NAALADL2: variants seen among roughly 807,000 people sequenced by gnomAD.
NAALADL2 encodes the protein N-acetylated alpha-linked acidic dipeptidase like 2.
Under a neutral mutation model 87.2 loss-of-function variants are expected in NAALADL2, and 76 were observed. That is an observed-to-expected ratio of 0.87 (90% CI 0.72 to 1.05). The LOEUF is 1.05. Ranked by LOEUF, NAALADL2 falls within the 50% of genes least tolerant of loss-of-function variation. The pLI is 0.00. For synonymous variants in NAALADL2, 354 were observed against 331.0 expected (o/e 1.07, Z -0.75); for missense variants, 1,089 against 945.8 (o/e 1.15, Z -1.99).
chr3:174,606,814 A>T (rs1179754855), intron 2 of NAALADL2, among the ~76,000 whole-genome samples: 1 of 152,166 alleles, frequency 6.6e-6, no homozygotes, highest in Admixed American at 6.5e-5. Flanking sequence ...CAGGAAATAC[A>T]GAGAACACCA....
intron 10 of NAALADL2, among the ~76,000 whole-genome samples, chr3:175,593,176 A>G (rs1388377143): frequency 1.3e-5 from 2 of 151,910 alleles, no homozygotes; most frequent in African/African-American, 2.4e-5. Context: ...TGCCCCCTCA[A>G]AAGCCCCCAG....
At chr3:175,799,047 A>T (rs560622976) in intron 13 of NAALADL2, among the ~76,000 whole-genome samples, 1 of 152,210 alleles carries the variant, frequency 6.6e-6, no homozygotes, top group Non-Finnish European at 1.5e-5. Flanking sequence ...ATAGTTTTTG[A>T]TAATAATGGA....
chr3:175,257,978 G>C (rs2109851830), intron 4 of NAALADL2, among the ~76,000 whole-genome samples: 1 of 152,106 alleles, frequency 6.6e-6, no homozygotes, highest in Admixed American at 6.5e-5. Flanking sequence ...GACACAAAAA[G>C]AAAAAGTGAC....
chr3:175,043,234 A>G (rs569285419), intron 1 of NAALADL2, among the ~76,000 whole-genome samples: 66 of 152,046 alleles, frequency 4.3e-4, no homozygotes, highest in African/African-American at 1.5e-3. Context: ...CCATTGAGCT[A>G]TATTATTTCT....
At chr3:175,740,184 A>T (rs1201204041) in intron 12 of NAALADL2, among the ~76,000 whole-genome samples, 1 of 152,232 alleles carries the variant, frequency 6.6e-6, no homozygotes, top group Admixed American at 6.5e-5. Flanking sequence ...TATTTCAAAG[A>T]AGAGGAAGTA....
rs755237034 is a variant in NAALADL2 at position 174,462,065 on chromosome 3, TTTC to T, written c.-184+21036_-184+21038del. ...ATTCTTCCTCAGGTTTTTAAAAATA[TTTC>T]TTATTTTTAATATTTGAAAATATTC... On this transcript the variant is annotated intron_variant, in intron 1 of 3. Transcript: ENST00000434257. 6.5e-3 allele frequency among the ~76,000 whole-genome samples: 811 copies of T among 123,906 alleles called. 3 individuals carry two copies. Among genetic ancestry groups the T allele is most frequent in the Non-Finnish European group, 9.2e-3 (568 of 61,442 alleles). 81.3% of individuals were successfully genotyped at this position (123,906 alleles called of 152,430 possible).
intron 2 of NAALADL2, among the ~76,000 whole-genome samples, chr3:174,600,931 A>G (rs1294244464): frequency 1.3e-5 from 2 of 152,190 alleles, no homozygotes; most frequent in African/African-American, 2.4e-5. Flanking sequence ...GAGCAAGGAC[A>G]TGAATTCAAA....
chr3:174,681,834 TG>T (rs1432529080), intron 2 of NAALADL2, among the ~76,000 whole-genome samples: 1 of 152,126 alleles, frequency 6.6e-6, no homozygotes, highest in African/African-American at 2.4e-5. Flanking sequence ...CTAGTGGACT[TG>T]TTGGGTCCCT....
chr3:175,550,130 C>T (rs2149488734), intron 9 of NAALADL2, among the ~76,000 whole-genome samples: 1 of 152,218 alleles, frequency 6.6e-6, no homozygotes, highest in African/African-American at 2.4e-5. Flanking sequence ...TCTATTCAAT[C>T]ATGCTGTGAA....
chr3:174,593,873 A>G (rs1262100458), intron 2 of NAALADL2, among the ~76,000 whole-genome samples: 1 of 152,176 alleles, frequency 6.6e-6, no homozygotes, highest in African/African-American at 2.4e-5. Context: ...GGTAAGCAGT[A>G]ATTGAGACTA....
intron 2 of NAALADL2, among the ~76,000 whole-genome samples, chr3:174,606,005 G>T (rs558160726): frequency 1.3e-5 from 2 of 152,124 alleles, no homozygotes; most frequent in Non-Finnish European, 2.9e-5. Context: ...CAGCATTTGC[G>T]GTTCATGAAA....
At chr3:175,225,052 A>G (rs1321069278) in intron 2 of NAALADL2, among the ~76,000 whole-genome samples, 2 of 152,196 alleles carry the variant, frequency 1.3e-5, no homozygotes, top group East Asian at 3.8e-4. Context: ...GAAGGAAGGT[A>G]GTCTGGGCTA....
intron 1 of NAALADL2, among the ~76,000 whole-genome samples, chr3:174,485,741 A>G (rs752811484): frequency 1.3e-5 from 2 of 151,972 alleles, no homozygotes. Context: ...GCTATTGTGA[A>G]TAGTGCTGTA....
chr3:174,723,625 G>C lies in NAALADL2; in HGVS notation c.-114-14016G>C, dbSNP rs575758682. Among the ~76,000 whole-genome samples the C allele has an allele frequency of 4.0e-5, 6 of 151,772 alleles. No homozygotes were observed. In the East Asian group the frequency reaches 1.2e-3, roughly 30 times the overall value. ...AAAACAATTAGCCGGGCATGGTGGCGGGCGCCTGTAGTCCCAGCTGCTTGG... is the reference window on the plus strand; with the variant it reads ...AAAACAATTAGCCGGGCATGGTGGCCGGCGCCTGTAGTCCCAGCTGCTTGG... On this transcript the variant is annotated intron_variant, in intron 2 of 3. Transcript: ENST00000434257.
In NAALADL2 at chr3:175,471,726, G is replaced by A. The variant is rs775305574; in HGVS notation, c.1621G>A (p.Ala541Thr). The A allele has an allele frequency of 1.2e-5, 20 of 1,608,588 alleles. No homozygotes were observed. The highest frequency in any genetic ancestry group is 1.1e-4 in the African/African-American group (8 of 74,602). ...IRGNSSLYPV[A>T]SPSLQQLVVE... ...GGGGAACTCTAGTCTGTATCCTGTAGCATCACCATCTCTTCAGCAACTGGT... is the reference window on the plus strand; with the variant it reads ...GGGGAACTCTAGTCTGTATCCTGTAACATCACCATCTCTTCAGCAACTGGT... Residue 541 changes from alanine (A) to threonine (T), a missense_variant, in exon 9 of 14, where the codon GCA (alanine) becomes ACA (threonine). Physicochemically the swap from Ala to Thr is moderately conservative, Grantham distance 58 (BLOSUM62 0). Coordinates refer to ENST00000454872, the MANE Select transcript of NAALADL2 (RefSeq NM_207015.3).
rs967290150 is a variant in NAALADL2, at chr3:174,984,855, G to A, written c.44-111935G>A. 5.3e-5 allele frequency among the ~76,000 whole-genome samples: 8 copies of A among 152,254 alleles called. No homozygotes were observed. In the East Asian group the frequency reaches 1.5e-3, roughly 29 times the overall value. On this transcript the variant is annotated intron_variant, in intron 1 of 13. Coordinates refer to ENST00000454872, the MANE Select transcript of NAALADL2 (RefSeq NM_207015.3). The stretch of plus-strand genomic sequence containing the variant: ...ATTCCATACATTATTCCTCTGTAGA[G>A]TTACAAGCTACATTGTAATGGAAGA...
intron 3 of NAALADL2, among the ~76,000 whole-genome samples, chr3:174,782,381 T>G (rs1560220830): frequency 6.6e-6 from 1 of 152,128 alleles, no homozygotes; most frequent in Non-Finnish European, 1.5e-5. Flanking sequence ...TTTACACAGT[T>G]GTCTAATGTG....
At chr3:175,449,507 C>T (rs1721227273) in intron 6 of NAALADL2, among the ~76,000 whole-genome samples, 1 of 151,436 alleles carries the variant, frequency 6.6e-6, no homozygotes, top group Admixed American at 6.6e-5. Flanking sequence ...ACCATTCTCG[C>T]CTCAGCCTCC....
intron 1 of NAALADL2, among the ~76,000 whole-genome samples, chr3:174,496,216 A>C (rs976903284): frequency 6.6e-6 from 1 of 152,088 alleles, no homozygotes. Flanking sequence ...ATTGCCTTGA[A>C]ATTGTTTTTG....
Sources: allele counts gnomAD v4.1 joint callset (sites outside exome capture counted in the v4.1 genomes callset), GRCh38; gene constraint gnomAD v4.1.1; transcripts MANE v1.5; gene names NCBI Gene and HGNC (gene_info 2026-07-23, HGNC 2026-07-21).